AFG2A: variants seen among roughly 807,000 people sequenced by gnomAD.
The protein encoded by AFG2A is AAA ATPase AFG2A.
At chr4:122,980,649 G>C in the AFG2A span, among the ~76,000 whole-genome samples, 1 of 151,948 alleles carries the variant, frequency 6.6e-6, no homozygotes, top group African/African-American at 2.4e-5. Flanking sequence ...CCATATCCTT[G>C]GCAACACTTA....
At chr4:123,027,651 G>A in the AFG2A span, among the ~76,000 whole-genome samples, 5 of 152,080 alleles carry the variant, frequency 3.3e-5, no homozygotes, top group African/African-American at 4.8e-5. Flanking sequence ...TCTGGTACAC[G>A]TATATTCTTA....
the AFG2A span, among the ~76,000 whole-genome samples, chr4:123,118,585 T>C: frequency 5.5e-4 from 83 of 151,832 alleles, no homozygotes; most frequent in Non-Finnish European, 1.1e-3. Flanking sequence ...TTGTCAGTCT[T>C]TTGCCACTAT....
chr4:123,138,144 T>C, the AFG2A span, among the ~76,000 whole-genome samples: 1 of 152,182 alleles, frequency 6.6e-6, no homozygotes, highest in East Asian at 1.9e-4. Flanking sequence ...ATATGGAAAA[T>C]AACGTTATGT....
the AFG2A span, among the ~76,000 whole-genome samples, chr4:123,279,658 G>A: frequency 6.6e-6 from 1 of 152,166 alleles, no homozygotes; most frequent in Admixed American, 6.5e-5. Flanking sequence ...GAAAGCACTT[G>A]TACATATCAT....
chr4:123,077,732 T>C, the AFG2A span, among the ~76,000 whole-genome samples: 2 of 152,294 alleles, frequency 1.3e-5, no homozygotes, highest in East Asian at 1.9e-4. Flanking sequence ...GGGAGGTAGA[T>C]GAATTGTGTA....
At chr4:123,152,592 C>T in the AFG2A span, among the ~76,000 whole-genome samples, 1 of 152,068 alleles carries the variant, frequency 6.6e-6, no homozygotes, top group South Asian at 2.1e-4. Context: ...GGTCAAATTC[C>T]AGAACACTGA....
At chr4:123,010,766 C>G in the AFG2A span, among the ~76,000 whole-genome samples, 1 of 152,184 alleles carries the variant, frequency 6.6e-6, no homozygotes, top group East Asian at 1.9e-4. Flanking sequence ...CTTGCTTGAC[C>G]TATCTCATTG....
the AFG2A span, among the ~76,000 whole-genome samples, chr4:123,265,577 G>T: frequency 6.6e-6 from 1 of 152,040 alleles, no homozygotes; most frequent in Non-Finnish European, 1.5e-5. Flanking sequence ...TACCTGTATT[G>T]CTAACTCTAT....
chr4:123,255,871 T>G, the AFG2A span: 1 of 948,726 alleles, frequency 1.1e-6, no homozygotes, highest in South Asian at 1.7e-5. Flanking sequence ...ACATAGATTA[T>G]GGAATCTCTG....
At chr4:123,030,656 G>A in the AFG2A span, among the ~76,000 whole-genome samples, 8 of 152,252 alleles carry the variant, frequency 5.3e-5, no homozygotes, top group Admixed American at 2.6e-4. Context: ...AGTGTGGTTC[G>A]ACAGTATTAT....
At chr4:122,940,084 A>G in the AFG2A span, among the ~76,000 whole-genome samples, 3 of 152,206 alleles carry the variant, frequency 2.0e-5, no homozygotes, top group South Asian at 2.1e-4. Flanking sequence ...TAGTGCCGCA[A>G]TAAACATACG....
the AFG2A span, among the ~76,000 whole-genome samples, chr4:122,990,795 C>T: frequency 1.6e-4 from 24 of 152,144 alleles, no homozygotes; most frequent in Non-Finnish European, 2.8e-4. Context: ...TGCTTTGTTG[C>T]GCAGACTGGT....
the AFG2A span, among the ~76,000 whole-genome samples, chr4:123,239,633 A>C: frequency 1.3e-5 from 2 of 152,204 alleles, no homozygotes; most frequent in Non-Finnish European, 2.9e-5. Context: ...AAATGCTGAG[A>C]GATTTTGTCA....
the AFG2A span, among the ~76,000 whole-genome samples, chr4:123,056,694 C>T: frequency 2.6e-5 from 4 of 152,092 alleles, no homozygotes; most frequent in African/African-American, 9.7e-5. Flanking sequence ...TAATAATAGC[C>T]AGCATTTCTG....
the AFG2A span, among the ~76,000 whole-genome samples, chr4:123,101,914 G>A: frequency 3.5e-3 from 525 of 151,960 alleles, 7 homozygotes; most frequent in African/African-American, 0.012. Context: ...CAGACAGATG[G>A]TTGCAGAGAT....
the AFG2A span, among the ~76,000 whole-genome samples, chr4:123,051,200 G>C: frequency 6.6e-6 from 1 of 150,840 alleles, no homozygotes; most frequent in South Asian, 2.1e-4. Context: ...CTTCTTTTGT[G>C]GCTGAGTGAT....
At chr4:123,106,517 T>A in the AFG2A span, among the ~76,000 whole-genome samples, 1 of 152,326 alleles carries the variant, frequency 6.6e-6, no homozygotes, top group African/African-American at 2.4e-5. Context: ...CTAAAAAAAA[T>A]TGTTTAATTC....
chr4:123,045,152 T>C, the AFG2A span, among the ~76,000 whole-genome samples: 1 of 148,436 alleles, frequency 6.7e-6, no homozygotes, highest in Non-Finnish European at 1.5e-5. Flanking sequence ...TTTTCTCCAA[T>C]GTTTTTATAT....
the AFG2A span, among the ~76,000 whole-genome samples, chr4:123,038,695 C>T: frequency 6.6e-6 from 1 of 152,052 alleles, no homozygotes; most frequent in African/African-American, 2.4e-5. Flanking sequence ...TTTCTAGGGA[C>T]CCTGCAGTCT....
Sources: gnomAD v4.1 joint callset for allele counts (sites outside exome capture counted in the v4.1 genomes callset) on GRCh38, gnomAD v4.1.1 for gene constraint, MANE v1.5 for transcripts, NCBI Gene and HGNC (gene_info 2026-07-23, HGNC 2026-07-21) for gene names.